The following KATNB1 variants were observed in gnomAD, a reference collection of about 807,000 sequenced individuals.
KATNB1 encodes the protein katanin regulatory subunit B1.
Under a neutral mutation model 82.3 loss-of-function variants are expected in KATNB1, and 38 were observed. The observed-to-expected ratio is 0.46, with a 90% confidence interval of 0.36 to 0.61. KATNB1 has a LOEUF of 0.61. Ranked by LOEUF, KATNB1 falls within the 20% of genes least tolerant of loss-of-function variation. The pLI is 0.00. For missense variants in KATNB1, 749 were observed against 915.7 expected (o/e 0.82, Z 2.35); for synonymous variants, 361 against 368.7 (o/e 0.98, Z 0.24).
At chr16:57,743,064 G>A (rs1168534345) in intron 3 of KATNB1, among the ~76,000 whole-genome samples, 4 of 152,284 alleles carry the variant, frequency 2.6e-5, no homozygotes, top group Middle Eastern at 3.4e-3. Context: ...AAGCTGAGGC[G>A]GGTGGATCAC....
chr16:57,748,680 G>A (rs1028473024), intron 4 of KATNB1, among the ~76,000 whole-genome samples: 4 of 152,150 alleles, frequency 2.6e-5, no homozygotes, highest in Admixed American at 6.5e-5. Context: ...GGCCTTCGTG[G>A]GACAGAAGAG....
Position 57,737,004 on chromosome 16 carries a change from G to A in KATNB1, c.-240G>A, listed in dbSNP as rs990292804. ...CCTGTATTGAGCTGAGATGGCTCGA[G>A]CCTAACATTCCATGATCCAGGATCG... On this transcript the variant is annotated 5_prime_UTR_variant, in exon 2 of 20. Coordinates refer to ENST00000379661, the MANE Select transcript of KATNB1 (RefSeq NM_005886.3). The A allele has an allele frequency of 2.7e-5, 19 of 697,468 alleles. No homozygotes were observed. In the East Asian group the frequency reaches 4.6e-4, roughly 17 times the overall value. 43.2% of individuals were successfully genotyped at this position (697,468 alleles called of 1,614,324 possible).
chr16:57,753,165 C>G lies in KATNB1; in HGVS notation c.944C>G (p.Pro315Arg). The change falls in exon 11 of 20, where the codon CCT (proline) becomes CGT (arginine). Residue 315 changes from proline (P) to arginine (R), a missense_variant. Physicochemically the swap from Pro to Arg is moderately radical, Grantham distance 103. This residue lies in a region of KATNB1 where 407 missense variants were observed against 434.7 expected (regional missense o/e 0.94). Transcript: ENST00000379661. Reference sequence around the variant, plus strand: ...AGGACTGGCACGGTGGCCCGGGACCCTGTGCAGGACCACCGGCCCCTGGCA... The same window carrying G: ...AGGACTGGCACGGTGGCCCGGGACCGTGTGCAGGACCACCGGCCCCTGGCA... ...VTRTGTVARD[P>R]VQDHRPLAQP... is the part of the protein sequence containing the mutation. The G allele has an allele frequency of 6.2e-7, 1 of 1,610,670 alleles. No individual in the cohort carries two copies. Among genetic ancestry groups the G allele is most frequent in the Non-Finnish European group, 8.5e-7 (1 of 1,179,716 alleles).
chr16:57,737,124 G>A lies in KATNB1; in HGVS notation c.-120G>A. 1 of 1,250,390 alleles carries A rather than the reference G, an allele frequency of 8.0e-7. No homozygotes were observed. The highest frequency in any genetic ancestry group is 1.1e-6 in the Non-Finnish European group (1 of 872,656). The allele number at this position is 1,250,390 out of a possible 1,614,324, so 77.5% of individuals were successfully genotyped here. A position where few individuals can be genotyped will look rare whatever the true frequency, so the allele number is the denominator to read the frequency against. On this transcript the variant is annotated 5_prime_UTR_variant, in exon 2 of 20. Coordinates refer to ENST00000379661, the MANE Select transcript of KATNB1 (RefSeq NM_005886.3). ...AGAAGACGAGGCATTCTGTCTGCCT[G>A]GATGTGTGGGAACTCTCTGCCAACT...
rs907097050 is a variant in KATNB1 at position 57,737,177 on chromosome 16, C to T, written c.-67C>T. ...ATTGGTGGATCTGGGGGGGGATCCACCCCCACCCCACGAGGAAAGCACAGT... is the reference window on the plus strand; with the variant it reads ...ATTGGTGGATCTGGGGGGGGATCCATCCCCACCCCACGAGGAAAGCACAGT... On this transcript the variant is annotated 5_prime_UTR_variant, in exon 2 of 20. Transcript: ENST00000379661. 6 of 1,583,200 alleles carry T rather than the reference C, an allele frequency of 3.8e-6. No homozygotes were observed. Among genetic ancestry groups the T allele is most frequent in the African/African-American group, 2.7e-5 (2 of 74,182 alleles).
At chr16:57,749,440 A>C (rs1177494391) in intron 4 of KATNB1, among the ~76,000 whole-genome samples, 3 of 152,214 alleles carry the variant, frequency 2.0e-5, no homozygotes, top group Non-Finnish European at 2.9e-5. Flanking sequence ...CATACAGTAG[A>C]GTTCATTTAA....
Position 57,752,001 on chromosome 16 carries a change from A to T in KATNB1, c.578A>T (p.Asn193Ile), listed in dbSNP as rs1417066128. 1.2e-6 allele frequency: 2 copies of T among 1,613,422 alleles called. No homozygotes were observed. Among genetic ancestry groups the T allele is most frequent in the Admixed American group, 1.7e-5 (1 of 60,002 alleles). ...SEFPGHTGPV[N>I]VVEFHPNEYL... ...TTCCCTGGTCACACGGGGCCTGTCA[A>T]CGTGGTCGAGTTTCACCCCAACGAG... Residue 193 changes from asparagine to isoleucine, a missense_variant, in exon 8 of 20, where the codon AAC (asparagine) becomes ATC (isoleucine). Asn to Ile is a moderately radical substitution (Grantham distance 149, BLOSUM62 -3). This residue lies in a region of KATNB1 where 247 missense variants were observed against 349.4 expected (regional missense o/e 0.71). Transcript: ENST00000379661.
In KATNB1 at chr16:57,739,991, G is replaced by A. The variant is rs568257578; in HGVS notation, c.41-1696G>A. Among the ~76,000 whole-genome samples, 59 of 152,250 alleles carry A rather than the reference G, an allele frequency of 3.9e-4. 2 individuals carry two copies. In the South Asian group the frequency reaches 9.9e-3, roughly 26 times the overall value. On this transcript the variant is annotated intron_variant, in intron 2 of 19. Coordinates refer to ENST00000379661, the MANE Select transcript of KATNB1 (RefSeq NM_005886.3). The stretch of plus-strand genomic sequence containing the variant: ...GCCCTCCAGGTAGGCCAGGGGGAGC[G>A]AGCAGTGCCTCCACGGAGAGGACAC...
intron 13 of KATNB1, among the ~76,000 whole-genome samples, 155 bp downstream of exon 13, chr16:57,754,150 G>GT (rs1555584776): frequency 6.6e-6 from 1 of 152,068 alleles, no homozygotes; most frequent in African/African-American, 2.4e-5. Flanking sequence ...CCCTCTGCCT[G>GT]TTATGTGCCA....
At chr16:57,748,270 G>C (rs1326590448) in intron 4 of KATNB1, among the ~76,000 whole-genome samples, 1 of 151,912 alleles carries the variant, frequency 6.6e-6, no homozygotes, top group Non-Finnish European at 1.5e-5. Context: ...ACACCCCCTC[G>C]CCAGAGTGCA....
chr16:57,754,810 T>C, intron 13 of KATNB1, 120 bp from the exon 14 acceptor site: 1 of 1,024,206 alleles, frequency 9.8e-7, no homozygotes, highest in Non-Finnish European at 1.5e-6. Flanking sequence ...GCCTGCAGCC[T>C]CCCCCATGCT....
At chr16:57,752,102 C>T in intron 8 of KATNB1, 47 bp downstream of exon 8, 1 of 1,203,976 alleles carries the variant, frequency 8.3e-7, no homozygotes, top group South Asian at 1.2e-5. Flanking sequence ...CTGTCCTTCA[C>T]CGCCTTGTCC....
At chr16:57,744,267 C>A in intron 3 of KATNB1, 127 bp from the exon 4 acceptor site, 1 of 767,438 alleles carries the variant, frequency 1.3e-6, no homozygotes, top group Non-Finnish European at 2.2e-6. Context: ...AGGCTGTGGC[C>A]CCCATGGGGC....
intron 4 of KATNB1, among the ~76,000 whole-genome samples, chr16:57,745,973 C>G (rs2049181498): frequency 6.6e-6 from 1 of 152,186 alleles, no homozygotes; most frequent in Non-Finnish European, 1.5e-5. Context: ...TCCTGGGCCT[C>G]TGTGTCTCTT....
At chr16:57,742,426 T>C (rs2049150346) in intron 3 of KATNB1, among the ~76,000 whole-genome samples, 1 of 152,254 alleles carries the variant, frequency 6.6e-6, no homozygotes, top group African/African-American at 2.4e-5. Context: ...GCCACCACAG[T>C]TGGTGTTTTG....
In KATNB1 at chr16:57,755,843, G is replaced by A. The variant is rs146674947; in HGVS notation, c.1569G>A (p.Thr523=). The change falls in exon 17 of 20, where the codon ACG becomes ACA. Residue 523 remains threonine, a splice_region_variant and synonymous_variant. Coordinates refer to ENST00000379661, the MANE Select transcript of KATNB1 (RefSeq NM_005886.3). The part of the protein sequence containing the change: ...RAVWTMGDIK[T]SVDSAVAIND... The stretch of plus-strand genomic sequence containing the variant: ...CTGACGGTGCTCTGTTTGCACAGAC[G>A]TCGGTGGACTCCGCTGTGGCCATCA... 1.7e-4 allele frequency: 264 copies of A among 1,586,536 alleles called. No individual in the cohort carries two copies. In the African/African-American group the frequency reaches 2.2e-3, roughly 13 times the overall value.
At chr16:57,740,431 G>A (rs1469669391) in intron 2 of KATNB1, among the ~76,000 whole-genome samples, 4 of 152,232 alleles carry the variant, frequency 2.6e-5, no homozygotes, top group Admixed American at 6.5e-5. Flanking sequence ...TCTGAAGCCC[G>A]CAGCAGAGAC....
rs1227587687 is a variant in KATNB1 at position 57,751,906 on chromosome 16, G to A, written c.517-34G>A. 5.1e-6 allele frequency: 8 copies of A among 1,553,910 alleles called. No individual in the cohort carries two copies. The highest frequency in any genetic ancestry group is 4.5e-5 in the South Asian group (4 of 89,334). On this transcript the variant is annotated intron_variant, in intron 7 of 19. Coordinates refer to ENST00000379661, the MANE Select transcript of KATNB1 (RefSeq NM_005886.3). The surrounding 1 kb of genome is among the most constrained non-coding windows in gnomAD (Gnocchi z 6.3). ...GGGAGGGTGGGCAGCCAAGATGCCT[G>A]GTCACCCTGACCTCCTCCCTGCCCT... is the stretch of plus-strand genomic sequence containing the variant.
rs782533885 is a variant in KATNB1, at chr16:57,744,498, G to A, written c.276G>A (p.Leu92=). ...SQSGSIRVWD[L]EAAKILRTLM... is the part of the protein sequence containing the mutation. ...CGGGCTCCATCCGTGTCTGGGACCT[G>A]GAAGCTGCCAAAAGTAGGCCTCCGA... Residue 92 remains leucine, a synonymous_variant, in exon 4 of 20, where the codon CTG becomes CTA. Transcript: ENST00000379661. 4 of 1,613,762 alleles carry A rather than the reference G, an allele frequency of 2.5e-6. No homozygotes were observed. Among genetic ancestry groups the A allele is most frequent in the African/African-American group, 2.7e-5 (2 of 74,930 alleles).
Sources: allele counts gnomAD v4.1 joint callset (sites outside exome capture counted in the v4.1 genomes callset), GRCh38; gene constraint gnomAD v4.1.1; regional missense constraint gnomAD v4.1.1; non-coding constraint Gnocchi (gnomAD v3.1); transcripts MANE v1.5; gene names NCBI Gene and HGNC (gene_info 2026-07-23, HGNC 2026-07-21).